The following PACSIN2 variants were observed in gnomAD, a reference collection of about 807,000 sequenced individuals.
PACSIN2 encodes protein kinase C and casein kinase substrate in neurons 2, also known as protein kinase C and casein kinase substrate in neurons protein 2.
PACSIN2 carries 25 observed loss-of-function variants against 63.8 expected under a neutral mutation model. The ratio of observed to expected loss-of-function variants is 0.39; its 90% CI spans 0.29 to 0.55. PACSIN2 has a LOEUF of 0.55. PACSIN2 is among the 20% of genes least tolerant of loss of function. The pLI is 0.62. For missense variants in PACSIN2, 518 were observed against 646.9 expected, an observed-to-expected ratio of 0.80 and a Z score of 2.16; for synonymous variants, 255 against 256.2, an observed-to-expected ratio of 1.00 and a Z score of 0.05.
intron 1 of PACSIN2, among the ~76,000 whole-genome samples, chr22:43,003,593 A>G (rs1411896742): frequency 6.6e-6 from 1 of 152,168 alleles, no homozygotes; most frequent in Non-Finnish European, 1.5e-5. Flanking sequence ...ACAGAGCAAG[A>G]CTCTGTCTCA....
intron 1 of PACSIN2, among the ~76,000 whole-genome samples, chr22:42,927,493 C>T (rs1036123871): frequency 6.6e-6 from 1 of 152,104 alleles, no homozygotes; most frequent in Non-Finnish European, 1.5e-5. Flanking sequence ...AAGTGATCCA[C>T]CCATCTTGGC....
chr22:42,914,415 G>A (rs1931675200), intron 1 of PACSIN2, among the ~76,000 whole-genome samples: 1 of 152,154 alleles, frequency 6.6e-6, no homozygotes, highest in Non-Finnish European at 1.5e-5. Context: ...GTATTTTTTA[G>A]TAGAGATGGG....
At chr22:42,964,184 A>C (rs1920934734) in intron 1 of PACSIN2, among the ~76,000 whole-genome samples, 1 of 152,190 alleles carries the variant, frequency 6.6e-6, no homozygotes, top group African/African-American at 2.4e-5. Flanking sequence ...TTGTGGGGCC[A>C]AGGTGCGCAG....
intron 1 of PACSIN2, among the ~76,000 whole-genome samples, chr22:43,007,792 G>A (rs1031423502): frequency 6.6e-6 from 1 of 152,218 alleles, no homozygotes; most frequent in South Asian, 2.1e-4. Flanking sequence ...CTTTATCTCA[G>A]GATTCCAGAG....
In PACSIN2 at chr22:42,871,147, C is replaced by T. The variant is rs143185556; in HGVS notation, c.*210G>A. On this transcript the variant is annotated 3_prime_UTR_variant, in exon 11 of 11. Transcript: ENST00000263246. The surrounding 1 kb of genome is among the most constrained non-coding windows in gnomAD (Gnocchi z 5.4). ...AGGGGCGGCTATTTCTGTTGTTCTGCGTCTTCCTGCGCTCAGATCCCTCCA... is the reference window on the plus strand; with the variant it reads ...AGGGGCGGCTATTTCTGTTGTTCTGTGTCTTCCTGCGCTCAGATCCCTCCA... The T allele has an allele frequency of 2.4e-4, 140 of 587,936 alleles. 1 individual carries two copies. The highest frequency in any genetic ancestry group is 3.2e-4 in the Admixed American group (11 of 34,310). 36.4% of individuals were successfully genotyped at this position (587,936 alleles called of 1,614,324 possible). A position where few individuals can be genotyped will look rare whatever the true frequency, so the allele number is the denominator to read the frequency against.
chr22:42,932,786 C>A (rs113280315), intron 1 of PACSIN2, among the ~76,000 whole-genome samples: 1 of 151,796 alleles, frequency 6.6e-6, no homozygotes, highest in Non-Finnish European at 1.5e-5. Flanking sequence ...AATTCTTCCA[C>A]AATGGCCAGC....
rs1048339579 is a variant in PACSIN2, at chr22:43,008,687, T to C, written c.-78+6334A>G. Among the ~76,000 whole-genome samples, 3 of 152,248 alleles carry C rather than the reference T, an allele frequency of 2.0e-5. No homozygotes were observed. In the East Asian group the frequency reaches 5.8e-4, roughly 29 times the overall value. On this transcript the variant is annotated intron_variant, in intron 1 of 10. Transcript: ENST00000263246. The stretch of plus-strand genomic sequence containing the variant: ...ACAAGCAGCCACTGTTGGACAGTCC[T>C]GGCCACTGGCACAATCCACACCCAA...
At chr22:42,891,803 G>C (rs532640984) in intron 3 of PACSIN2, among the ~76,000 whole-genome samples, 7 of 152,192 alleles carry the variant, frequency 4.6e-5, no homozygotes, top group Non-Finnish European at 1.0e-4. Context: ...GAGAAGGGGG[G>C]ACCTTCTGAA....
chr22:42,990,141 A>AT (rs5845577), intron 1 of PACSIN2, among the ~76,000 whole-genome samples: 3 of 150,132 alleles, frequency 2.0e-5, no homozygotes, highest in Non-Finnish European at 4.4e-5. Context: ...AAAATGAATG[A>AT]TTTTTTTAAA....
intron 2 of PACSIN2, among the ~76,000 whole-genome samples, chr22:42,897,358 T>C (rs1930363691): frequency 6.6e-6 from 1 of 152,226 alleles, no homozygotes; most frequent in Non-Finnish European, 1.5e-5. Context: ...TCAGCACATA[T>C]ATAGTTAACT....
At chr22:42,972,692 C>T (rs937130549) in intron 1 of PACSIN2, among the ~76,000 whole-genome samples, 16 of 152,194 alleles carry the variant, frequency 1.1e-4, no homozygotes, top group Admixed American at 4.6e-4. Flanking sequence ...CTGGACACCA[C>T]GCCAGGAAGC....
At chr22:42,999,068 C>T (rs893729484) in intron 1 of PACSIN2, among the ~76,000 whole-genome samples, 3 of 152,216 alleles carry the variant, frequency 2.0e-5, no homozygotes, top group Admixed American at 6.5e-5. Flanking sequence ...CCAGATAATT[C>T]GGGATGCTGA....
intron 2 of PACSIN2, among the ~76,000 whole-genome samples, chr22:42,910,305 C>T (rs1282807731): frequency 6.6e-6 from 1 of 152,192 alleles, no homozygotes; most frequent in Non-Finnish European, 1.5e-5. Flanking sequence ...AGAGGCTCCC[C>T]ATAACTGGAA....
At chr22:42,985,617 A>G (rs1289660399) in intron 1 of PACSIN2, among the ~76,000 whole-genome samples, 2 of 144,576 alleles carry the variant, frequency 1.4e-5, no homozygotes, top group African/African-American at 2.5e-5. Flanking sequence ...TTTGCAAAAC[A>G]TAAAGATAAC....
chr22:42,960,431 G>A (rs138993882), intron 1 of PACSIN2, among the ~76,000 whole-genome samples: 45 of 152,308 alleles, frequency 3.0e-4, no homozygotes, highest in Non-Finnish European at 6.0e-4. Context: ...CTGGAGACAG[G>A]CAGGTGACCC....
chr22:42,918,511 A>G (rs1398487186), intron 1 of PACSIN2, among the ~76,000 whole-genome samples: 1 of 152,186 alleles, frequency 6.6e-6, no homozygotes, highest in Admixed American at 6.5e-5. Context: ...AAGATGTATT[A>G]TTGTTTCCAT....
intron 1 of PACSIN2, among the ~76,000 whole-genome samples, chr22:43,003,175 T>C: frequency 6.6e-6 from 1 of 152,238 alleles, no homozygotes; most frequent in East Asian, 1.9e-4. Context: ...CAAAAACCAC[T>C]TTGTGCGTGG....
At chr22:42,951,907 G>A (rs1933710824) in intron 1 of PACSIN2, among the ~76,000 whole-genome samples, 1 of 152,158 alleles carries the variant, frequency 6.6e-6, no homozygotes, top group Non-Finnish European at 1.5e-5. Flanking sequence ...TTCTCCAGAT[G>A]CACCAGACTC....
At chr22:42,937,554 T>C (rs1232307102) in intron 1 of PACSIN2, among the ~76,000 whole-genome samples, 4 of 152,158 alleles carry the variant, frequency 2.6e-5, no homozygotes, top group Non-Finnish European at 5.9e-5. Flanking sequence ...TTGTGTGCAG[T>C]GACTACCACA....
Sources: gnomAD v4.1 joint callset for allele counts (sites outside exome capture counted in the v4.1 genomes callset) on GRCh38, gnomAD v4.1.1 for gene constraint, Gnocchi (gnomAD v3.1) non-coding constraint, MANE v1.5 for transcripts, NCBI Gene and HGNC (gene_info 2026-07-23, HGNC 2026-07-21) for gene names.